ETS1: variants seen among roughly 807,000 people sequenced by gnomAD.
ETS1 encodes protein C-ets-1.
ETS1 carries 15 observed loss-of-function variants against 58.6 expected under a neutral mutation model. The observed-to-expected ratio is 0.26, with a 90% confidence interval of 0.17 to 0.39. The LOEUF is 0.39. Among genes scored for constraint, ETS1 ranks in the 10% least tolerant of loss-of-function variants. ETS1 has a pLI of 1.00. For missense variants in ETS1, 417 were observed against 610.5 expected (o/e 0.68, Z 3.34); for synonymous variants, 214 against 218.2 (o/e 0.98, Z 0.17).
chr11:128,565,232 T>C (rs947047724), intron 2 of ETS1, among the ~76,000 whole-genome samples: 6 of 152,098 alleles, frequency 3.9e-5, no homozygotes, highest in African/African-American at 1.4e-4. Context: ...CCTGAAGGAA[T>C]GGGTTTGGCC....
At chr11:128,535,913 G>A (rs1029263453) in intron 3 of ETS1, among the ~76,000 whole-genome samples, 2 of 152,198 alleles carry the variant, frequency 1.3e-5, no homozygotes, top group African/African-American at 4.8e-5. Context: ...TCCAACCTGA[G>A]ATGAAGCAAG....
At chr11:128,474,041 C>T (rs570953511) in intron 8 of ETS1, among the ~76,000 whole-genome samples, 2 of 152,330 alleles carry the variant, frequency 1.3e-5, no homozygotes, top group African/African-American at 4.8e-5. Context: ...CCACCCAATT[C>T]CATTATTTGT....
At chr11:128,539,551 G>T (rs1864023658) in intron 3 of ETS1, among the ~76,000 whole-genome samples, 1 of 152,156 alleles carries the variant, frequency 6.6e-6, no homozygotes, top group Non-Finnish European at 1.5e-5. Flanking sequence ...TTGCTAGTAG[G>T]AATGTAAAAT....
At chr11:128,566,737 G>T (rs1011000544) in intron 2 of ETS1, among the ~76,000 whole-genome samples, 1 of 151,500 alleles carries the variant, frequency 6.6e-6, no homozygotes, top group Non-Finnish European at 1.5e-5. Flanking sequence ...GAGCCGAGAG[G>T]GCGCCACTGC....
intron 8 of ETS1, among the ~76,000 whole-genome samples, chr11:128,479,441 G>C (rs4435016): frequency 0.6 from 91,724 of 152,126 alleles, 28,782 homozygotes; most frequent in African/African-American, 0.78. Flanking sequence ...CTATTTCTCA[G>C]ATATACTCTC....
chr11:128,501,999 G>A (rs1005057685), intron 3 of ETS1, among the ~76,000 whole-genome samples: 1 of 152,210 alleles, frequency 6.6e-6, no homozygotes, highest in Non-Finnish European at 1.5e-5. Context: ...GAGAAAGGGG[G>A]TGGGGTGGAG....
chr11:128,519,451 A>G (rs1360398646), intron 3 of ETS1, among the ~76,000 whole-genome samples: 3 of 152,238 alleles, frequency 2.0e-5, no homozygotes, highest in Non-Finnish European at 4.4e-5. Flanking sequence ...ACCCAAAGAA[A>G]TCATTCTGAC....
chr11:128,523,548 T>C (rs987447889), intron 3 of ETS1, among the ~76,000 whole-genome samples: 4 of 152,254 alleles, frequency 2.6e-5, no homozygotes, highest in Admixed American at 6.5e-5. Flanking sequence ...ACTGTAACTG[T>C]AACCTCTGCC....
chr11:128,544,498 C>G (rs1426768279), intron 3 of ETS1, among the ~76,000 whole-genome samples: 2 of 151,868 alleles, frequency 1.3e-5, no homozygotes, highest in East Asian at 3.9e-4. Context: ...CCCCTGCCTT[C>G]TCCCAGTTCT....
intron 1 of ETS1, among the ~76,000 whole-genome samples, chr11:128,578,124 C>A (rs2135589964): frequency 6.6e-6 from 1 of 152,278 alleles, no homozygotes; most frequent in South Asian, 2.1e-4. Context: ...CGAGTGACCA[C>A]TTCTCCAACT....
At chr11:128,570,040 G>C (rs1450460594) in intron 2 of ETS1, among the ~76,000 whole-genome samples, 1 of 152,080 alleles carries the variant, frequency 6.6e-6, no homozygotes, top group Non-Finnish European at 1.5e-5. Flanking sequence ...ATTGCAGGGA[G>C]GTGTCTTTAG....
intron 2 of ETS1, 147 bp downstream of exon 2, chr11:128,572,915 A>G (rs910941648): frequency 2.2e-5 from 13 of 596,920 alleles, no homozygotes; most frequent in Non-Finnish European, 3.9e-5. Context: ...CTTACAATTG[A>G]CATCCTCCAA....
At chr11:128,492,121 A>T (rs929469383) in intron 3 of ETS1, among the ~76,000 whole-genome samples, 27 of 152,346 alleles carry the variant, frequency 1.8e-4, no homozygotes, top group African/African-American at 5.8e-4. Flanking sequence ...TAGAAACCTG[A>T]ATCTTCAGTG....
chr11:128,553,222 G>A, intron 3 of ETS1, among the ~76,000 whole-genome samples: 1 of 152,174 alleles, frequency 6.6e-6, no homozygotes, highest in East Asian at 1.9e-4. Flanking sequence ...AGGGAGGAGG[G>A]GGAAGAGGCG....
intron 3 of ETS1, among the ~76,000 whole-genome samples, chr11:128,519,761 T>G (rs1468033175): frequency 1.3e-5 from 2 of 152,234 alleles, no homozygotes; most frequent in African/African-American, 4.8e-5. Flanking sequence ...CTTCAGCCAC[T>G]GGCTCACTAC....
chr11:128,506,677 ACAGC>A (rs1863244950), intron 3 of ETS1, among the ~76,000 whole-genome samples: 1 of 152,154 alleles, frequency 6.6e-6, no homozygotes, highest in Non-Finnish European at 1.5e-5. Context: ...GAGATCTCCC[ACAGC>A]CACCTCCGCC....
chr11:128,489,601 C>T, intron 4 of ETS1, 111 bp from the exon 5 acceptor site: 1 of 823,394 alleles, frequency 1.2e-6, no homozygotes, highest in Non-Finnish European at 2.0e-6. Flanking sequence ...TATCTTTATT[C>T]ATCGAATGAG....
chr11:128,520,539 C>G (rs1410841801), intron 3 of ETS1, among the ~76,000 whole-genome samples: 2 of 152,188 alleles, frequency 1.3e-5, no homozygotes, highest in African/African-American at 4.8e-5. Flanking sequence ...CTAGCTTCCT[C>G]GAACCCCCAA....
At chr11:128,514,850 C>T (rs1238695364) in intron 3 of ETS1, among the ~76,000 whole-genome samples, 2 of 152,176 alleles carry the variant, frequency 1.3e-5, no homozygotes, top group Non-Finnish European at 2.9e-5. Context: ...TAATGCTTGG[C>T]CCAGATGAAA....
Sources: gnomAD v4.1 joint callset for allele counts (sites outside exome capture counted in the v4.1 genomes callset) on GRCh38, gnomAD v4.1.1 for gene constraint, MANE v1.5 for transcripts, NCBI Gene and HGNC (gene_info 2026-07-23, HGNC 2026-07-21) for gene names.